The following ECM2 variants were observed in gnomAD, a reference collection of about 807,000 sequenced individuals.
ECM2 encodes the protein extracellular matrix protein 2, female organ and adipocyte specific.
A neutral mutation model predicts 67.5 loss-of-function variants in ECM2; 57 were observed. The observed-to-expected ratio is 0.84, with a 90% confidence interval of 0.68 to 1.05. The LOEUF (loss-of-function observed/expected upper bound fraction) is 1.05. Among genes scored for constraint, ECM2 ranks in the 50% least tolerant of loss-of-function variants. The pLI is 0.00. For missense variants in ECM2, 741 were observed against 822.8 expected, an observed-to-expected ratio of 0.90 and a Z score of 1.22; for synonymous variants, 258 against 294.5, an observed-to-expected ratio of 0.88 and a Z score of 1.27.
At chr9:92,547,691 A>G in the ECM2 span, among the ~76,000 whole-genome samples, 18 of 152,228 alleles carry the variant, frequency 1.2e-4, no homozygotes, top group Non-Finnish European at 2.6e-4. Flanking sequence ...TAATGGGTAC[A>G]GGGTTTCTTT....
chr9:92,512,106 G>T lies in ECM2; in HGVS notation c.1075C>A (p.Pro359Thr), dbSNP rs1304538107. Residue 359 changes from proline to threonine, a missense_variant, in exon 5 of 10, where the codon CCA becomes ACA. By Grantham distance (38) the Pro-to-Thr change is conservative. Transcript: ENST00000344604. ...ELTGNSIASI[P>T]DEAFNGLPNL... The stretch of plus-strand genomic sequence containing the variant: ...GGTAATCCATTAAATGCTTCATCTG[G>T]GATGGAGGCGATGGAATTGCCTAGG... The T allele has an allele frequency of 2.5e-6, 4 of 1,613,668 alleles. No individual in the cohort carries two copies. The highest frequency in any genetic ancestry group is 3.4e-6 in the Non-Finnish European group (4 of 1,179,740).
chr9:92,546,365 T>A, the ECM2 span, among the ~76,000 whole-genome samples: 1 of 151,998 alleles, frequency 6.6e-6, no homozygotes, highest in South Asian at 2.1e-4. Context: ...TTTGTTCTTT[T>A]GCTCTTTGCA....
chr9:92,495,903 CT>C lies in ECM2; in HGVS notation c.*411del, dbSNP rs1317084353. 14 of 984,322 alleles carry C rather than the reference CT, an allele frequency of 1.4e-5. No homozygotes were observed. The African/African-American group carries it at 2.3e-4, about 16-fold the overall frequency. 61.0% of individuals were successfully genotyped at this position (984,322 alleles called of 1,614,324 possible). On this transcript the variant is annotated 3_prime_UTR_variant, in exon 10 of 10. Coordinates refer to ENST00000344604, the MANE Select transcript of ECM2 (RefSeq NM_001393.4). ...AACACTTATTCATAAATTCTGCCTG[CT>C]TTTTTTGTTGTCATTATGCTTCTTA...
chr9:92,545,214 C>T, the ECM2 span, among the ~76,000 whole-genome samples: 3 of 151,906 alleles, frequency 2.0e-5, no homozygotes, highest in African/African-American at 4.8e-5. Flanking sequence ...AGGCCGGAGC[C>T]GGCTCGGACC....
chr9:92,507,119 A>G (rs1335255089), intron 6 of ECM2, among the ~76,000 whole-genome samples: 1 of 152,114 alleles, frequency 6.6e-6, no homozygotes, highest in East Asian at 1.9e-4. Flanking sequence ...TCTGGCTCTC[A>G]TTCTCTAGGC....
intron 2 of ECM2, among the ~76,000 whole-genome samples, chr9:92,521,233 CTT>C (rs924475436): frequency 6.6e-6 from 1 of 152,048 alleles, no homozygotes; most frequent in Non-Finnish European, 1.5e-5. Context: ...CATATAAAAA[CTT>C]TTTTTTAAAC....
At chr9:92,547,404 A>G in the ECM2 span, among the ~76,000 whole-genome samples, 1 of 152,362 alleles carries the variant, frequency 6.6e-6, no homozygotes, top group East Asian at 1.9e-4. Context: ...AACAGCCTAA[A>G]TGTTTGTCAA....
intron 1 of ECM2, among the ~76,000 whole-genome samples, chr9:92,526,125 C>T (rs1377124488): frequency 3.3e-5 from 5 of 152,018 alleles, no homozygotes; most frequent in African/African-American, 1.2e-4. Context: ...TGTTATTACC[C>T]ATGAAGACCT....
At chr9:92,511,051 A>G (rs1394352014) in intron 5 of ECM2, among the ~76,000 whole-genome samples, 1 of 152,172 alleles carries the variant, frequency 6.6e-6, no homozygotes, top group Non-Finnish European at 1.5e-5. Flanking sequence ...TCAAACATAC[A>G]CATTTATGAG....
chr9:92,552,002 G>C, the ECM2 span, among the ~76,000 whole-genome samples: 221 of 138,456 alleles, frequency 1.6e-3, no homozygotes, highest in Non-Finnish European at 2.3e-3. Context: ...TGATATATAT[G>C]TGTATATATA....
the ECM2 span, among the ~76,000 whole-genome samples, chr9:92,548,076 C>T: frequency 6.6e-6 from 1 of 152,140 alleles, no homozygotes. Flanking sequence ...TTAGAGTTTT[C>T]CAGACACACA....
At chr9:92,549,391 A>C in the ECM2 span, among the ~76,000 whole-genome samples, 1 of 152,232 alleles carries the variant, frequency 6.6e-6, no homozygotes, top group East Asian at 1.9e-4. Flanking sequence ...TCAAGCCTGT[A>C]ATTCCAGCAC....
rs1848159978 is a variant in ECM2, at chr9:92,522,789, A to G, written c.78T>C (p.Pro26=). ...GGTAGATCTTCCTCCTTTGCTTCCT[A>G]GGAATTTCTTCATTTTTTCCAAAGT... ...QTDFGKNEEI[P]RKQRRKIYHR... Residue 26 remains proline (P), a synonymous_variant, in exon 2 of 10, where the codon CCT becomes CCC. Transcript: ENST00000344604. 1.2e-6 allele frequency: 2 copies of G among 1,613,642 alleles called. No homozygotes were observed. The highest frequency in any genetic ancestry group is 1.7e-6 in the Non-Finnish European group (2 of 1,179,960).
rs2131152388 is a variant in ECM2 at position 92,501,027 on chromosome 9, T to A, written c.1631A>T (p.Tyr544Phe). Residue 544 changes from tyrosine to phenylalanine, a missense_variant, in exon 9 of 10, where the codon TAC (tyrosine) becomes TTC (phenylalanine). Transcript: ENST00000344604. ...GGACGGGACGTGATAGAGCTTGTTGTAGGAGAGATCAATGGATTCTAGATT... is the reference window on the plus strand; with the variant it reads ...GGACGGGACGTGATAGAGCTTGTTGAAGGAGAGATCAATGGATTCTAGATT... ...QENLESIDLS[Y>F]NKLYHVPSYL... 6.2e-7 allele frequency: 1 copy of A among 1,613,844 alleles called. No individual in the cohort carries two copies. The highest frequency in any genetic ancestry group is 1.1e-5 in the South Asian group (1 of 91,076).
chr9:92,548,224 T>TTGA, the ECM2 span, among the ~76,000 whole-genome samples: 5 of 151,642 alleles, frequency 3.3e-5, no homozygotes, highest in Admixed American at 2.0e-4. Context: ...TTGTGGGGTC[T>TTGA]TTCACTGCTG....
At chr9:92,535,831 G>T in intron 1 of ECM2, 102 bp downstream of exon 1, 1 of 326,320 alleles carries the variant, frequency 3.1e-6, no homozygotes, top group East Asian at 8.6e-5. Context: ...TATTAGTAAC[G>T]AGCTAATTTA....
upstream of ECM2, chr9:92,536,209 T>C (rs1849154764): frequency 2.8e-6 from 1 of 355,318 alleles, no homozygotes; most frequent in Non-Finnish European, 5.3e-6. Flanking sequence ...AAAACAGCAG[T>C]GGGTGTGGGG....
the ECM2 span, among the ~76,000 whole-genome samples, chr9:92,552,924 A>G: frequency 7.3e-5 from 11 of 150,054 alleles, no homozygotes; most frequent in South Asian, 2.1e-3. Context: ...GCCAATGTCT[A>G]TTTATTTATT....
At position 92,505,533 on chromosome 9, in the gene ECM2, C is replaced by A. The variant is rs373635817; in HGVS notation, c.1464G>T (p.Glu488Asp). The change falls in exon 7 of 10, where the codon GAG becomes GAT. Residue 488 changes from glutamate (E) to aspartate (D), a missense_variant and splice_region_variant. Coordinates refer to ENST00000344604, the MANE Select transcript of ECM2 (RefSeq NM_001393.4). ...AAACACTAAAAAAATATATTGTTACCTCAATAGAACCAGGAAGACCCTGCG... is the reference window on the plus strand; with the variant it reads ...AAACACTAAAAAAATATATTGTTACATCAATAGAACCAGGAAGACCCTGCG... ...IIPQGLPGSIEELYLENNQIE... is the reference protein window; with the variant it reads ...IIPQGLPGSIDELYLENNQIE... 8.8e-6 allele frequency: 14 copies of A among 1,588,170 alleles called. No homozygotes were observed. The highest frequency in any genetic ancestry group is 1.2e-5 in the Non-Finnish European group (14 of 1,172,440).
Sources: gnomAD v4.1 joint callset for allele counts (sites outside exome capture counted in the v4.1 genomes callset) on GRCh38, gnomAD v4.1.1 for gene constraint, MANE v1.5 for transcripts, NCBI Gene and HGNC (gene_info 2026-07-23, HGNC 2026-07-21) for gene names.